SGK3: variants seen among roughly 807,000 people sequenced by gnomAD.
The protein encoded by SGK3 is serine/threonine-protein kinase Sgk3.
Under a neutral mutation model 68.5 loss-of-function variants are expected in SGK3, and 47 were observed. The observed-to-expected ratio is 0.69, with a 90% CI of 0.54 to 0.87. The LOEUF (loss-of-function observed/expected upper bound fraction) is 0.87, where lower values mean the gene tolerates loss of function less well. Among genes scored for constraint, SGK3 ranks in the 40% least tolerant of loss-of-function variants. SGK3 has a pLI of 0.00. For missense variants in SGK3, 479 were observed against 575.5 expected, an observed-to-expected ratio of 0.83 and a Z score of 1.72; for synonymous variants, 181 against 189.1, an observed-to-expected ratio of 0.96 and a Z score of 0.35.
In SGK3 at chr8:66,835,951, T is replaced by G; in HGVS notation, c.618T>G (p.His206Gln). ...KIVLNRKEQK[H>Q]IMAERNVLLK... ...TTTTGCCTTTTTTCCAGCAAAAACA[T>G]ATTATGGCTGAACGTAATGTGCTCT... Residue 206 changes from histidine (H) to glutamine (Q), a missense_variant, in exon 10 of 17, where the codon CAT becomes CAG. His to Gln is a conservative substitution (Grantham distance 24). Transcript: ENST00000521198. 1 of 1,613,584 alleles carries G rather than the reference T, an allele frequency of 6.2e-7. No individual in the cohort carries two copies. Among genetic ancestry groups the G allele is most frequent in the Non-Finnish European group, 8.5e-7 (1 of 1,179,810 alleles).
chr8:66,742,490 C>A (rs1264711088), intron 1 of SGK3, among the ~76,000 whole-genome samples: 7 of 152,256 alleles, frequency 4.6e-5, no homozygotes, highest in African/African-American at 1.4e-4. Context: ...CCTCACCCTC[C>A]TGAATAGCTG....
At chr8:66,720,002 A>G (rs1216172884) in intron 1 of SGK3, among the ~76,000 whole-genome samples, 2 of 152,242 alleles carry the variant, frequency 1.3e-5, no homozygotes, top group East Asian at 1.9e-4. Flanking sequence ...TAGCCAGCCA[A>G]CGTCACAGAT....
intron 16 of SGK3, among the ~76,000 whole-genome samples, chr8:66,853,461 G>A (rs1393876119): frequency 6.6e-6 from 1 of 152,100 alleles, no homozygotes; most frequent in Non-Finnish European, 1.5e-5. Flanking sequence ...TTTTCCAATC[G>A]GTTAGTGTTT....
chr8:66,822,535 C>T, intron 6 of SGK3, 76 bp downstream of exon 6: 3 of 1,391,906 alleles, frequency 2.2e-6, no homozygotes, highest in South Asian at 2.6e-5. Context: ...AGGACACTTA[C>T]TTCAAATGAA....
At chr8:66,757,191 G>T (rs1386666586) in intron 1 of SGK3, among the ~76,000 whole-genome samples, 2 of 150,052 alleles carry the variant, frequency 1.3e-5, no homozygotes, top group East Asian at 2.0e-4. Flanking sequence ...GAATGCAGTG[G>T]CATGATCATG....
chr8:66,803,019 A>G (rs950251681), intron 3 of SGK3, among the ~76,000 whole-genome samples: 2 of 152,246 alleles, frequency 1.3e-5, no homozygotes, highest in Non-Finnish European at 2.9e-5. Context: ...CATATACACA[A>G]TATCATTACC....
At chr8:66,741,911 T>G (rs1354703999) in intron 1 of SGK3, among the ~76,000 whole-genome samples, 1 of 152,180 alleles carries the variant, frequency 6.6e-6, no homozygotes, top group African/African-American at 2.4e-5. Flanking sequence ...AATTATAATC[T>G]AAGGTAAAAG....
intron 1 of SGK3, among the ~76,000 whole-genome samples, chr8:66,741,884 T>G (rs1805491534): frequency 6.6e-6 from 1 of 152,194 alleles, no homozygotes; most frequent in Non-Finnish European, 1.5e-5. Flanking sequence ...ACGGTCTAAT[T>G]GTACAGGTAA....
At chr8:66,762,178 A>G (rs904345180) in intron 1 of SGK3, among the ~76,000 whole-genome samples, 1 of 152,184 alleles carries the variant, frequency 6.6e-6, no homozygotes, top group Admixed American at 6.5e-5. Context: ...CATGTTGGCC[A>G]GGCTGGTTGT....
intron 1 of SGK3, among the ~76,000 whole-genome samples, chr8:66,713,625 A>G (rs1239221440): frequency 1.3e-5 from 2 of 152,206 alleles, no homozygotes; most frequent in Admixed American, 1.3e-4. Flanking sequence ...CCTTCTCACC[A>G]GATTGAGACT....
chr8:66,722,343 C>A (rs534817077), intron 1 of SGK3, among the ~76,000 whole-genome samples: 1 of 152,300 alleles, frequency 6.6e-6, no homozygotes, highest in African/African-American at 2.4e-5. Context: ...AGTGCAGCGG[C>A]GCGATCTTGG....
chr8:66,775,716 T>C (rs573083561), intron 1 of SGK3: 2 of 152,302 alleles, frequency 1.3e-5, no homozygotes, highest in Non-Finnish European at 2.9e-5. Flanking sequence ...GAGCTTGCGG[T>C]GGGGCTTTAC....
intron 16 of SGK3, among the ~76,000 whole-genome samples, chr8:66,851,610 A>T (rs955720062): frequency 2.0e-5 from 3 of 152,114 alleles, no homozygotes; most frequent in African/African-American, 7.2e-5. Context: ...TGGGAAAACA[A>T]TAGGATAGTA....
intron 1 of SGK3, among the ~76,000 whole-genome samples, chr8:66,793,347 T>C (rs2130572092): frequency 6.6e-6 from 1 of 152,322 alleles, no homozygotes; most frequent in Admixed American, 6.5e-5. Context: ...ACTAGATCTT[T>C]TCTAGGTGAG....
At chr8:66,785,734 C>T (rs983299392) in intron 1 of SGK3, among the ~76,000 whole-genome samples, 10 of 152,148 alleles carry the variant, frequency 6.6e-5, no homozygotes, top group Admixed American at 3.9e-4. Context: ...AAAGTGTTGC[C>T]GTCATCTGAC....
chr8:66,799,427 A>G (rs1483009943), intron 3 of SGK3, among the ~76,000 whole-genome samples: 5 of 152,212 alleles, frequency 3.3e-5, no homozygotes, highest in Non-Finnish European at 1.5e-5. Context: ...CACCACAGTC[A>G]CTATAATACC....
intron 1 of SGK3, among the ~76,000 whole-genome samples, chr8:66,782,846 T>C (rs1807046552): frequency 6.6e-6 from 1 of 152,264 alleles, no homozygotes; most frequent in African/African-American, 2.4e-5. Context: ...TTTCATTGTC[T>C]GGATGTACTA....
At chr8:66,784,192 C>T (rs1163011506) in intron 1 of SGK3, among the ~76,000 whole-genome samples, 2 of 152,186 alleles carry the variant, frequency 1.3e-5, no homozygotes, top group Non-Finnish European at 2.9e-5. Context: ...TCAACCATCA[C>T]CCGGCCTACT....
intron 4 of SGK3, among the ~76,000 whole-genome samples, chr8:66,809,766 G>A (rs556670658): frequency 2.0e-5 from 3 of 152,214 alleles, no homozygotes; most frequent in Non-Finnish European, 4.4e-5. Flanking sequence ...TACAACTTCT[G>A]ATGAATTAAT....
Sources: gnomAD v4.1 joint callset for allele counts (sites outside exome capture counted in the v4.1 genomes callset) on GRCh38, gnomAD v4.1.1 for gene constraint, MANE v1.5 for transcripts, NCBI Gene and HGNC (gene_info 2026-07-23, HGNC 2026-07-21) for gene names.